Variants in USP9X observed in about 807,000 individuals in gnomAD.
USP9X encodes ubiquitin carboxyl-terminal hydrolase 9X.
USP9X carries 7 observed loss-of-function variants against 190.3 expected under a neutral mutation model. The observed-to-expected ratio is 0.04, with a 90% CI of 0.02 to 0.07. The LOEUF is 0.07. Among genes scored for constraint, USP9X ranks in the 10% least tolerant of loss-of-function variants. The pLI is 1.00. For synonymous variants in USP9X, 645 were observed against 659.5 expected (o/e 0.98, Z 0.34); for missense variants, 1,010 against 1,916.9 (o/e 0.53, Z 8.83).
chrX:41,216,778 C>G, intron 35 of USP9X, 126 bp downstream of exon 35: 5 of 822,783 alleles, frequency 6.1e-6, no homozygotes, highest in Non-Finnish European at 8.3e-6. Context: ...TGTGGTGGTT[C>G]ACGCCTGTAA....
In USP9X at chrX:41,232,444, C is replaced by T. The variant is rs1434715307; in HGVS notation, c.7585C>T (p.Pro2529Ser). Residue 2529 changes from proline to serine, a missense_variant, in exon 45 of 45, where the codon CCT becomes TCT. This residue lies in a region of USP9X where 48 missense variants were observed against 60.4 expected (regional missense o/e 0.79). Transcript: ENST00000378308. ...CCCAGCAGCACATCACATGAACAAC[C>T]CTCAGAGAACTGGCCAACGAGCACA... ...TGPAAHHMNN[P>S]QRTGQRAQEN... 2 of 1,211,078 alleles carry T rather than the reference C, an allele frequency of 1.7e-6. No individual in the cohort carries two copies. Among genetic ancestry groups the T allele is most frequent in the Non-Finnish European group, 2.2e-6 (2 of 895,236 alleles).
intron 13 of USP9X, among the ~76,000 whole-genome samples, chrX:41,151,541 A>G (rs1376736128): frequency 8.9e-6 from 1 of 112,201 alleles, no homozygotes. Context: ...CTGGTAATAC[A>G]GTTGGAACTG....
intron 38 of USP9X, among the ~76,000 whole-genome samples, chrX:41,220,720 G>C (rs889075470): frequency 9.0e-6 from 1 of 111,205 alleles, no homozygotes; most frequent in African/African-American, 3.3e-5. Context: ...TTGGGAGGCC[G>C]AGGCAGGCGG....
intron 1 of USP9X, among the ~76,000 whole-genome samples, chrX:41,090,348 A>G (rs2061946571): frequency 8.9e-6 from 1 of 112,032 alleles, no homozygotes; most frequent in African/African-American, 3.2e-5. Flanking sequence ...TATATTGGGC[A>G]TTGAATTTAT....
rs1293160982 is a variant in USP9X, at chrX:41,128,995, T to C, written c.97-5T>C. On this transcript the variant is annotated splice_polypyrimidine_tract_variant and splice_region_variant and intron_variant, in intron 2 of 44. Transcript: ENST00000378308. ...TAAATGTGGAATGTTTAATTTTTAA[T>C]TAAGACTTCATCGCCTGATTCTTCC... 1 of 1,207,318 alleles carries C rather than the reference T, an allele frequency of 8.3e-7. No individual in the cohort carries two copies. Among genetic ancestry groups the C allele is most frequent in the Non-Finnish European group, 1.1e-6 (1 of 893,717 alleles).
At chrX:41,151,621 G>T (rs1202378292) in intron 13 of USP9X, among the ~76,000 whole-genome samples, 3 of 112,195 alleles carry the variant, frequency 2.7e-5, no homozygotes, top group African/African-American at 9.7e-5. Flanking sequence ...ATTCACAGTG[G>T]AGTCAGGATT....
At chrX:41,164,957 A>G (rs181619361) in intron 15 of USP9X, among the ~76,000 whole-genome samples, 11 of 111,800 alleles carry the variant, frequency 9.8e-5, no homozygotes, top group African/African-American at 3.6e-4. Flanking sequence ...GTGCAGCTCT[A>G]CTTTTTAAAA....
At position 41,151,074 on chromosome X, in the gene USP9X, T is replaced by C. The variant is rs2062520326; in HGVS notation, c.1763+17T>C. 3.4e-6 allele frequency: 4 copies of C among 1,180,250 alleles called. No homozygotes were observed. The highest frequency in any genetic ancestry group is 4.5e-6 in the Non-Finnish European group (4 of 880,009). ...AAATTTGAGGTAAGACTTTTTAACATAGAAAATTTCAATACTTAAAATTTA... is the reference window on the plus strand; with the variant it reads ...AAATTTGAGGTAAGACTTTTTAACACAGAAAATTTCAATACTTAAAATTTA... On this transcript the variant is annotated intron_variant, in intron 13 of 44. Transcript: ENST00000378308.
rs752209942 is a variant in USP9X, at chrX:41,218,657, G to T, written c.6435+60G>T. 1,470 of 1,065,141 alleles carry T rather than the reference G, an allele frequency of 1.4e-3. 3 individuals are homozygous for T. The highest frequency in any genetic ancestry group is 1.8e-3 in the Non-Finnish European group (1,368 of 770,644). The allele number at this position is 1,065,141 out of a possible 1,213,427, so 87.8% of individuals were successfully genotyped here. ...GTTTACAAATAAATTGTGTTTCCTG[G>T]AAGTCGAAGTCACAAGCATATGTGC... On this transcript the variant is annotated intron_variant, in intron 37 of 44. Coordinates refer to ENST00000378308, the MANE Select transcript of USP9X (RefSeq NM_001039591.3).
intron 16 of USP9X, 85 bp from the exon 17 acceptor site, chrX:41,167,397 G>T: frequency 1.4e-6 from 1 of 711,982 alleles, no homozygotes; most frequent in Non-Finnish European, 2.1e-6. Flanking sequence ...GTGTGTTTAA[G>T]ATAACTGAGG....
intron 21 of USP9X, among the ~76,000 whole-genome samples, chrX:41,172,216 T>C (rs1429062319): frequency 1.8e-5 from 2 of 111,769 alleles, no homozygotes; most frequent in Non-Finnish European, 3.8e-5. Context: ...AATTTTAGTG[T>C]CCATGATCAA....
chrX:41,184,245 T>C (rs568161960), intron 22 of USP9X, 117 bp downstream of exon 22: 2 of 1,000,805 alleles, frequency 2.0e-6, no homozygotes, highest in East Asian at 3.2e-5. Context: ...GGTAAAATTG[T>C]AATGAAGTAG....
intron 1 of USP9X, among the ~76,000 whole-genome samples, chrX:41,113,175 C>T (rs2062122227): frequency 8.9e-6 from 1 of 112,149 alleles, no homozygotes; most frequent in African/African-American, 3.2e-5. Flanking sequence ...TCAAAAAGAT[C>T]TAAACTTGGC....
chrX:41,096,679 A>G (rs1441004397), intron 1 of USP9X, among the ~76,000 whole-genome samples: 1 of 111,164 alleles, frequency 9.0e-6, no homozygotes, highest in Non-Finnish European at 1.9e-5. Flanking sequence ...ACCTCAGCTG[A>G]TCAGCCTGCC....
chrX:41,161,433 G>A (rs773498495), intron 14 of USP9X, among the ~76,000 whole-genome samples: 7 of 89,674 alleles, frequency 7.8e-5, no homozygotes, highest in African/African-American at 2.6e-4. Flanking sequence ...TCCACCTCCC[G>A]AGTTCAAGCA....
At position 41,215,907 on chromosome X, in the gene USP9X, C is replaced by T. The variant is rs371672710; in HGVS notation, c.5340C>T (p.Thr1780=). The change falls in exon 35 of 45, where the codon ACC becomes ACT. Residue 1780 remains threonine, a synonymous_variant. Transcript: ENST00000378308. ...HCEKCNKKVD[T]VKRLLIKKLP... is the part of the protein sequence containing the mutation. ...TGTCTTGTTTATTTTAGGTTGATAC[C>T]GTAAAGCGCTTGCTGATTAAAAAAT... The T allele has an allele frequency of 2.2e-4, 270 of 1,204,820 alleles. No homozygotes were observed. In the East Asian group the frequency reaches 2.4e-3, roughly 11 times the overall value.
At chrX:41,124,820 G>GT (rs1224530635) in intron 2 of USP9X, among the ~76,000 whole-genome samples, 7 of 111,886 alleles carry the variant, frequency 6.3e-5, no homozygotes, top group African/African-American at 2.3e-4. Flanking sequence ...CTAAGCCTCA[G>GT]TTTGTTTATC....
intron 14 of USP9X, among the ~76,000 whole-genome samples, chrX:41,158,063 A>T (rs1012649020): frequency 9.0e-6 from 1 of 111,544 alleles, no homozygotes; most frequent in South Asian, 3.7e-4. Flanking sequence ...GTGAACCTGA[A>T]GATAGATTAG....
intron 1 of USP9X, among the ~76,000 whole-genome samples, chrX:41,091,857 GTCAC>G (rs1259863082): frequency 8.9e-6 from 1 of 111,766 alleles, no homozygotes; most frequent in African/African-American, 3.3e-5. Flanking sequence ...ATTCTCTGTA[GTCAC>G]TCATAAAATT....
Sources: gnomAD v4.1 joint callset for allele counts (sites outside exome capture counted in the v4.1 genomes callset) on GRCh38, gnomAD v4.1.1 for gene constraint, gnomAD v4.1.1 regional missense constraint, MANE v1.5 for transcripts, NCBI Gene and HGNC (gene_info 2026-07-23, HGNC 2026-07-21) for gene names.